The following CSMD3 variants were observed in gnomAD, a reference collection of about 807,000 sequenced individuals.
The protein encoded by CSMD3 is CUB and Sushi multiple domains 3.
Under a neutral mutation model 435.2 loss-of-function variants are expected in CSMD3, and 177 were observed. That is an observed-to-expected ratio of 0.41 (90% CI 0.36 to 0.46). The LOEUF (loss-of-function observed/expected upper bound fraction) is 0.46. Among genes scored for constraint, CSMD3 ranks in the 20% least tolerant of loss-of-function variants. The pLI is 0.34. For synonymous variants in CSMD3, 1,656 were observed against 1,520.5 expected (o/e 1.09, Z -2.07); for missense variants, 4,265 against 4,504.6 (o/e 0.95, Z 1.52).
intron 2 of CSMD3, among the ~76,000 whole-genome samples, chr8:113,283,828 C>T (rs1325747294): frequency 6.6e-6 from 1 of 152,086 alleles, no homozygotes. Context: ...GGAATCAACC[C>T]ACATGTCCAT....
intron 7 of CSMD3, among the ~76,000 whole-genome samples, chr8:112,963,076 G>A (rs2084290755): frequency 6.6e-6 from 1 of 151,956 alleles, no homozygotes; most frequent in Admixed American, 6.6e-5. Flanking sequence ...GCGGATGAAG[G>A]GAGGGAGGAA....
At chr8:112,345,635 A>G (rs1040606480) in intron 41 of CSMD3, among the ~76,000 whole-genome samples, 1 of 152,146 alleles carries the variant, frequency 6.6e-6, no homozygotes, top group Admixed American at 6.5e-5. Flanking sequence ...GTTACACAAA[A>G]GAAGTAAATT....
chr8:112,701,470 T>C (rs2076387313), intron 13 of CSMD3, among the ~76,000 whole-genome samples: 1 of 152,132 alleles, frequency 6.6e-6, no homozygotes, highest in African/African-American at 2.4e-5. Context: ...CACACTCTTT[T>C]CTATTGTCCC....
intron 4 of CSMD3, among the ~76,000 whole-genome samples, chr8:113,100,210 C>A (rs965701460): frequency 5.9e-5 from 9 of 151,980 alleles, no homozygotes; most frequent in Non-Finnish European, 1.0e-4. Flanking sequence ...ATATATTTAA[C>A]TTTTATCACA....
intron 13 of CSMD3, among the ~76,000 whole-genome samples, chr8:112,734,991 G>A (rs932100137): frequency 1.3e-5 from 2 of 151,946 alleles, no homozygotes; most frequent in Non-Finnish European, 2.9e-5. Flanking sequence ...GAGCTCATTG[G>A]ACTATCTCTA....
intron 1 of CSMD3, among the ~76,000 whole-genome samples, chr8:113,328,978 C>G (rs2094006254): frequency 3.3e-5 from 5 of 151,206 alleles, no homozygotes. Context: ...CTGGACTCAA[C>G]TGATCCGTCC....
chr8:112,703,130 C>T (rs866162373), intron 13 of CSMD3, among the ~76,000 whole-genome samples: 8 of 152,132 alleles, frequency 5.3e-5, no homozygotes, highest in African/African-American at 1.9e-4. Context: ...TTCTTTAATA[C>T]ATGTTGCCTC....
chr8:113,381,477 G>C (rs1487741441), intron 1 of CSMD3, among the ~76,000 whole-genome samples: 2 of 151,970 alleles, frequency 1.3e-5, no homozygotes, highest in Non-Finnish European at 1.5e-5. Context: ...TGAAGGGCTT[G>C]AGCAAATGCA....
rs1358804459 is a variant in CSMD3 at position 112,376,926 on chromosome 8, C to A, written c.6136+3426G>T. Reference sequence around the variant, plus strand: ...CATTTTAAGTAGAGTGTAAGAAAAACCACAGTTACCCAAACACTCACCTAA... The same window carrying A: ...CATTTTAAGTAGAGTGTAAGAAAAAACACAGTTACCCAAACACTCACCTAA... On this transcript the variant is annotated intron_variant, in intron 38 of 70. Transcript: ENST00000297405. Among the ~76,000 whole-genome samples, 6 of 152,160 alleles carry A rather than the reference C, an allele frequency of 3.9e-5. No homozygotes were observed. In the Middle Eastern group the frequency reaches 0.017, roughly 431 times the overall value.
chr8:113,250,719 T>G (rs1482406520), intron 3 of CSMD3, among the ~76,000 whole-genome samples: 2 of 152,032 alleles, frequency 1.3e-5, no homozygotes, highest in Non-Finnish European at 2.9e-5. Context: ...ACATAATTGA[T>G]TGGATTCAGT....
intron 59 of CSMD3, among the ~76,000 whole-genome samples, chr8:112,276,295 C>T (rs970869194): frequency 7.9e-5 from 12 of 152,336 alleles, no homozygotes; most frequent in Middle Eastern, 3.4e-3. Context: ...GCCTCCCTCT[C>T]ACCTGCTTTC....
At chr8:112,633,420 G>A (rs2074571937) in intron 22 of CSMD3, among the ~76,000 whole-genome samples, 1 of 151,938 alleles carries the variant, frequency 6.6e-6, no homozygotes, top group Non-Finnish European at 1.5e-5. Flanking sequence ...GTTCAACCTT[G>A]AGTATTTTTA....
rs183097477 is a variant in CSMD3 at position 112,571,259 on chromosome 8, A to G, written c.4042+2242T>C. On this transcript the variant is annotated intron_variant, in intron 24 of 70. Coordinates refer to ENST00000297405, the MANE Select transcript of CSMD3 (RefSeq NM_198123.2). ...CGACCTCAGGTGATCTGCCTGCCTC[A>G]GCCTCCCAAAGTGCTGGGATTACAG... Among the ~76,000 whole-genome samples, 41 of 152,272 alleles carry G rather than the reference A, an allele frequency of 2.7e-4. No individual in the cohort carries two copies. The East Asian group carries it at 7.8e-3, about 29-fold the overall frequency.
intron 3 of CSMD3, among the ~76,000 whole-genome samples, chr8:113,179,818 T>A (rs533764036): frequency 8.7e-4 from 131 of 151,438 alleles, no homozygotes; most frequent in East Asian, 4.1e-3. Context: ...CAAGAAATTT[T>A]TAAAAAAAAG....
chr8:112,330,228 G>C (rs16883454), intron 45 of CSMD3, among the ~76,000 whole-genome samples: 30,075 of 151,950 alleles, frequency 0.2, 3,656 homozygotes, highest in East Asian at 0.39. Context: ...TAGCATAACC[G>C]TAAAAGATGA....
chr8:112,734,823 G>T (rs2077151245), intron 13 of CSMD3, among the ~76,000 whole-genome samples: 1 of 151,908 alleles, frequency 6.6e-6, no homozygotes, highest in East Asian at 1.9e-4. Context: ...AATTTCTGAA[G>T]ATATATTTGC....
chr8:112,242,468 A>G (rs1302318927), intron 65 of CSMD3, among the ~76,000 whole-genome samples: 8 of 152,224 alleles, frequency 5.3e-5, no homozygotes, highest in African/African-American at 1.9e-4. Context: ...GCAAGTACGG[A>G]TATGGCTAGA....
chr8:113,364,935 T>C (rs1381164559), intron 1 of CSMD3, among the ~76,000 whole-genome samples: 1 of 152,114 alleles, frequency 6.6e-6, no homozygotes, highest in East Asian at 1.9e-4. Flanking sequence ...TTTACTCTGT[T>C]ATATTCATTT....
chr8:112,459,350 T>A (rs1015164854), intron 32 of CSMD3, among the ~76,000 whole-genome samples: 11 of 93,562 alleles, frequency 1.2e-4, no homozygotes, highest in African/African-American at 5.6e-4. Context: ...GTGTGTTGTG[T>A]GTGTGTGTGG....
Sources: allele counts gnomAD v4.1 joint callset (sites outside exome capture counted in the v4.1 genomes callset), GRCh38; gene constraint gnomAD v4.1.1; transcripts MANE v1.5; gene names NCBI Gene and HGNC (gene_info 2026-07-23, HGNC 2026-07-21).